The following KCNIP4 variants were observed in gnomAD, a reference collection of about 807,000 sequenced individuals.
KCNIP4 encodes the protein potassium voltage-gated channel interacting protein 4.
Under a neutral mutation model 34.0 loss-of-function variants are expected in KCNIP4, and 12 were observed. The observed-to-expected ratio is 0.35, with a 90% CI of 0.23 to 0.57. The LOEUF is 0.57. KCNIP4 is among the 20% of genes least tolerant of loss of function. KCNIP4 has a pLI of 0.83. For missense variants in KCNIP4, 238 were observed against 311.7 expected, an observed-to-expected ratio of 0.76 and a Z score of 1.78; for synonymous variants, 124 against 102.2, an observed-to-expected ratio of 1.21 and a Z score of -1.29.
chr4:21,226,571 T>C (rs1228918084), intron 1 of KCNIP4, among the ~76,000 whole-genome samples: 1 of 146,850 alleles, frequency 6.8e-6, no homozygotes, highest in Admixed American at 6.6e-5. Context: ...CAAATGTTAC[T>C]TCCTATTTGC....
chr4:21,755,564 T>C (rs867994551), intron 1 of KCNIP4, among the ~76,000 whole-genome samples: 18 of 152,258 alleles, frequency 1.2e-4, no homozygotes, highest in African/African-American at 4.3e-4. Context: ...ATTAAATGTG[T>C]TTACTTGCTG....
chr4:21,465,694 AT>A (rs1431763695), intron 1 of KCNIP4, among the ~76,000 whole-genome samples: 4 of 152,176 alleles, frequency 2.6e-5, no homozygotes, highest in African/African-American at 9.7e-5. Flanking sequence ...GGCATGAAAA[AT>A]ATTTATTTCA....
intron 1 of KCNIP4, among the ~76,000 whole-genome samples, chr4:21,117,037 T>C (rs1461709558): frequency 6.6e-6 from 1 of 152,170 alleles, no homozygotes; most frequent in African/African-American, 2.4e-5. Context: ...TGTTTTCATG[T>C]GTCACTTCCC....
chr4:21,427,445 G>A (rs1398953506), intron 1 of KCNIP4, among the ~76,000 whole-genome samples: 2 of 151,944 alleles, frequency 1.3e-5, no homozygotes, highest in African/African-American at 2.4e-5. Flanking sequence ...GTTGGGAAAG[G>A]CTAATGAAAC....
intron 1 of KCNIP4, among the ~76,000 whole-genome samples, chr4:20,970,359 C>T (rs1734811578): frequency 6.6e-6 from 1 of 152,064 alleles, no homozygotes; most frequent in Non-Finnish European, 1.5e-5. Flanking sequence ...CATATACTTC[C>T]CCAACACTCA....
At chr4:21,881,546 A>G (rs986944335) in intron 1 of KCNIP4, among the ~76,000 whole-genome samples, 1 of 152,084 alleles carries the variant, frequency 6.6e-6, no homozygotes, top group African/African-American at 2.4e-5. Flanking sequence ...ACCTGATCTA[A>G]TGATTCTAGT....
chr4:21,353,110 A>G (rs1189685765), intron 1 of KCNIP4, among the ~76,000 whole-genome samples: 1 of 152,158 alleles, frequency 6.6e-6, no homozygotes, highest in African/African-American at 2.4e-5. Flanking sequence ...AACATCAACA[A>G]AAAGGACATC....
At chr4:21,003,018 T>C (rs549668975) in intron 1 of KCNIP4, among the ~76,000 whole-genome samples, 1 of 152,312 alleles carries the variant, frequency 6.6e-6, no homozygotes, top group South Asian at 2.1e-4. Flanking sequence ...TTATTTTTTC[T>C]AGCTAGCATC....
chr4:21,201,690 G>A (rs542188018), intron 1 of KCNIP4, among the ~76,000 whole-genome samples: 1 of 152,240 alleles, frequency 6.6e-6, no homozygotes, highest in East Asian at 1.9e-4. Context: ...AGTAGAGACA[G>A]GGTTTCACCA....
intron 2 of KCNIP4, among the ~76,000 whole-genome samples, chr4:20,877,791 G>A (rs968181822): frequency 1.5e-4 from 23 of 151,964 alleles, no homozygotes; most frequent in Admixed American, 3.9e-4. Context: ...GACAGTAAGC[G>A]TATCTGTATC....
chr4:20,859,318 C>T (rs1309294392), intron 2 of KCNIP4, among the ~76,000 whole-genome samples: 2 of 152,198 alleles, frequency 1.3e-5, no homozygotes, highest in African/African-American at 4.8e-5. Context: ...ACTCTGGCCT[C>T]TGGAGTTATC....
At chr4:21,136,180 T>C (rs964110199) in intron 1 of KCNIP4, among the ~76,000 whole-genome samples, 2 of 152,162 alleles carry the variant, frequency 1.3e-5, no homozygotes, top group African/African-American at 2.4e-5. Context: ...TGCCCTAAGG[T>C]CCTAACATGT....
chr4:21,339,668 T>C (rs773295655), intron 1 of KCNIP4, among the ~76,000 whole-genome samples: 13 of 152,126 alleles, frequency 8.5e-5, no homozygotes, highest in Non-Finnish European at 1.3e-4. Context: ...GAAGCAAGGA[T>C]GGAAGCTTTC....
intron 1 of KCNIP4, among the ~76,000 whole-genome samples, chr4:21,771,124 G>A (rs1055541342): frequency 3.9e-5 from 6 of 152,080 alleles, no homozygotes; most frequent in African/African-American, 1.4e-4. Context: ...TTGTACAAGT[G>A]TAAAGAAGGG....
intron 1 of KCNIP4, among the ~76,000 whole-genome samples, chr4:20,937,381 C>T (rs1169295315): frequency 6.6e-6 from 1 of 151,462 alleles, no homozygotes; most frequent in African/African-American, 2.4e-5. Flanking sequence ...ACTATAGGCG[C>T]CCGTCACCAT....
At chr4:20,770,474 C>CAAA (rs11371014) in intron 3 of KCNIP4, among the ~76,000 whole-genome samples, 6,952 of 146,094 alleles carry the variant, frequency 0.048, 250 homozygotes, top group Admixed American at 0.12. Flanking sequence ...TAATATTGAC[C>CAAA]AAAAAAAAAA....
intron 1 of KCNIP4, among the ~76,000 whole-genome samples, chr4:21,547,627 C>A (rs1738245539): frequency 1.3e-5 from 2 of 152,046 alleles, no homozygotes; most frequent in African/African-American, 4.8e-5. Flanking sequence ...TAAGCATATG[C>A]ACAAAACTGC....
At chr4:21,583,785 G>A (rs999425752) in intron 1 of KCNIP4, among the ~76,000 whole-genome samples, 4 of 151,924 alleles carry the variant, frequency 2.6e-5, no homozygotes, top group East Asian at 1.9e-4. Flanking sequence ...TGATAAACTC[G>A]AGAAAAATCA....
chr4:20,899,474 T>C (rs528966384), intron 1 of KCNIP4, among the ~76,000 whole-genome samples: 57 of 152,304 alleles, frequency 3.7e-4, no homozygotes, highest in African/African-American at 1.3e-3. Context: ...AGTAAAATAA[T>C]GCCATGACAA....
Sources: allele counts gnomAD v4.1 joint callset (sites outside exome capture counted in the v4.1 genomes callset), GRCh38; gene constraint gnomAD v4.1.1; transcripts MANE v1.5; gene names NCBI Gene and HGNC (gene_info 2026-07-23, HGNC 2026-07-21).